The following KIAA1671 variants were observed in gnomAD, a reference collection of about 807,000 sequenced individuals.
The protein encoded by KIAA1671 is uncharacterized protein KIAA1671.
In KIAA1671, 52 loss-of-function variants were observed where a neutral mutation model predicts 131.2. The ratio of observed to expected loss-of-function variants is 0.40; its 90% CI spans 0.32 to 0.50. The LOEUF (loss-of-function observed/expected upper bound fraction) is 0.50. Among genes scored for constraint, KIAA1671 ranks in the 20% least tolerant of loss-of-function variants. The pLI is 0.73. For synonymous variants in KIAA1671, 1,003 were observed against 961.6 expected, an observed-to-expected ratio of 1.04 and a Z score of -0.80; for missense variants, 2,360 against 2,364.2, an observed-to-expected ratio of 1.00 and a Z score of 0.04.
At chr22:25,184,750 T>G (rs1934412375) in intron 10 of KIAA1671, among the ~76,000 whole-genome samples, 1 of 151,874 alleles carries the variant, frequency 6.6e-6, no homozygotes, top group Admixed American at 6.6e-5. Flanking sequence ...AGAATGTGAT[T>G]ATGTGGGGTT....
At chr22:25,071,308 T>C (rs1255108686) in intron 6 of KIAA1671, among the ~76,000 whole-genome samples, 1 of 152,208 alleles carries the variant, frequency 6.6e-6, no homozygotes, top group African/African-American at 2.4e-5. Flanking sequence ...TCAGATGCCT[T>C]CTTGCCCAGA....
At position 25,040,958 on chromosome 22, in the gene KIAA1671, A is replaced by G; in HGVS notation, c.3828A>G (p.Leu1276=). The change falls in exon 5 of 13, where the codon TTA becomes TTG. Residue 1276 remains leucine (L), a synonymous_variant. Coordinates refer to ENST00000358431, the MANE Select transcript of KIAA1671 (RefSeq NM_001145206.2). ...TAAATCACAGTTTCACTCCTGGCTT[A>G]GGCAAGCAGCTGGCAGAGACCTTGG... The part of the protein sequence containing the change: ...AEINHSFTPG[L]GKQLAETLET... The G allele has an allele frequency of 3.4e-6, 5 of 1,476,926 alleles. No individual in the cohort carries two copies. The highest frequency in any genetic ancestry group is 4.5e-6 in the Non-Finnish European group (5 of 1,113,176). 91.5% of individuals were successfully genotyped at this position (1,476,926 alleles called of 1,614,324 possible).
intron 6 of KIAA1671, among the ~76,000 whole-genome samples, chr22:25,139,567 C>G (rs778767606): frequency 2.0e-5 from 3 of 152,236 alleles, no homozygotes; most frequent in Non-Finnish European, 4.4e-5. Context: ...TGCATGCCTA[C>G]TATGTGCTGG....
At chr22:25,078,957 G>A (rs578126908) in intron 6 of KIAA1671, among the ~76,000 whole-genome samples, 13 of 152,126 alleles carry the variant, frequency 8.5e-5, no homozygotes, top group Admixed American at 2.0e-4. Flanking sequence ...ATGGGGCCTC[G>A]AGCAAATCTC....
At chr22:25,091,990 T>G (rs1405042119) in intron 6 of KIAA1671, among the ~76,000 whole-genome samples, 1 of 152,148 alleles carries the variant, frequency 6.6e-6, no homozygotes, top group Non-Finnish European at 1.5e-5. Flanking sequence ...ATTTGGTCAT[T>G]CATTTACTCC....
chr22:25,175,261 C>T (rs1214352242), intron 8 of KIAA1671: 1 of 152,228 alleles, frequency 6.6e-6, no homozygotes, highest in South Asian at 2.1e-4. Context: ...TACCTGCCCA[C>T]TTTCTGGGGG....
At chr22:25,189,781 G>GTTTT (rs1359158388) in intron 11 of KIAA1671, among the ~76,000 whole-genome samples, 1 of 152,016 alleles carries the variant, frequency 6.6e-6, no homozygotes, top group Non-Finnish European at 1.5e-5. Context: ...TTGTTTGTTT[G>GTTTT]TTTGCTTTTT....
At chr22:24,970,833 C>A (rs1922576311) in intron 1 of KIAA1671, among the ~76,000 whole-genome samples, 1 of 151,888 alleles carries the variant, frequency 6.6e-6, no homozygotes, top group African/African-American at 2.4e-5. Flanking sequence ...ATGGTTTAGA[C>A]AAGCTTGATC....
chr22:24,957,001 TA>T (rs959283709), intron 1 of KIAA1671, among the ~76,000 whole-genome samples: 2 of 152,118 alleles, frequency 1.3e-5, no homozygotes, highest in Non-Finnish European at 2.9e-5. Flanking sequence ...TCCCTATCTG[TA>T]AAAAGGGCTC....
intron 1 of KIAA1671, among the ~76,000 whole-genome samples, chr22:24,989,113 G>T (rs1923703313): frequency 6.6e-6 from 1 of 152,122 alleles, no homozygotes; most frequent in Non-Finnish European, 1.5e-5. Context: ...GGTTTCCCCT[G>T]GTTTCATGTC....
chr22:25,005,014 A>C (rs1186257638), intron 1 of KIAA1671, among the ~76,000 whole-genome samples: 1 of 151,728 alleles, frequency 6.6e-6, no homozygotes, highest in Non-Finnish European at 1.5e-5. Context: ...CAATCAGTGA[A>C]TCCTGAATGA....
At chr22:24,980,683 A>G (rs1357651232) in intron 1 of KIAA1671, among the ~76,000 whole-genome samples, 1 of 152,108 alleles carries the variant, frequency 6.6e-6, no homozygotes, top group Non-Finnish European at 1.5e-5. Flanking sequence ...ACTATTTTAT[A>G]TTCATACCAA....
At chr22:25,004,806 C>T (rs935296427) in intron 1 of KIAA1671, among the ~76,000 whole-genome samples, 47 of 151,686 alleles carry the variant, frequency 3.1e-4, no homozygotes, top group Admixed American at 2.7e-3. Context: ...ATTAGCCGGG[C>T]GTGGTGGCGG....
chr22:24,963,767 C>T (rs1030172800), intron 1 of KIAA1671, among the ~76,000 whole-genome samples: 2 of 151,554 alleles, frequency 1.3e-5, no homozygotes, highest in Admixed American at 6.6e-5. Flanking sequence ...GGTGAAACCC[C>T]GTCTCTACTA....
chr22:25,001,197 G>A (rs5760788), intron 1 of KIAA1671, among the ~76,000 whole-genome samples: 11 of 103,912 alleles, frequency 1.1e-4, no homozygotes, highest in African/African-American at 1.7e-4. Flanking sequence ...GTATATATGT[G>A]TGTATGTGTA....
rs954795425 is a variant in KIAA1671 at position 25,029,372 on chromosome 22, C to T, written c.1373C>T (p.Ser458Phe). 2.4e-4 allele frequency: 380 copies of T among 1,551,186 alleles called. 4 individuals are homozygous for T. The African/African-American group carries it at 4.6e-3, about 19-fold the overall frequency. The change falls in exon 3 of 13, where the codon TCT (serine) becomes TTT (phenylalanine). Residue 458 changes from serine to phenylalanine, a missense_variant. Ser to Phe is a radical substitution (Grantham distance 155, BLOSUM62 -2). Transcript: ENST00000358431. ...STLALAVGSE[S>F]PLATPASPSA... Reference sequence around the variant, plus strand: ...TTGGCCTTGGCAGTGGGGTCTGAATCTCCCCTGGCCACCCCTGCGTCCCCA... The same window carrying T: ...TTGGCCTTGGCAGTGGGGTCTGAATTTCCCCTGGCCACCCCTGCGTCCCCA...
At chr22:25,133,972 C>T (rs979719840) in intron 6 of KIAA1671, among the ~76,000 whole-genome samples, 1 of 152,224 alleles carries the variant, frequency 6.6e-6, no homozygotes, top group East Asian at 1.9e-4. Context: ...TGAGATTCCA[C>T]AAGGGGAACT....
chr22:25,018,643 A>G (rs1391209174), intron 1 of KIAA1671, among the ~76,000 whole-genome samples: 3 of 152,212 alleles, frequency 2.0e-5, no homozygotes, highest in African/African-American at 7.2e-5. Context: ...CATGTAAATG[A>G]AATTATGCAT....
intron 8 of KIAA1671, 187 bp from the exon 9 acceptor site, chr22:25,177,161 G>A: frequency 1.6e-6 from 1 of 606,648 alleles, no homozygotes; most frequent in Non-Finnish European, 2.9e-6. Context: ...AGCCTATGGG[G>A]TATGTTTTAT....
Sources: allele counts gnomAD v4.1 joint callset (sites outside exome capture counted in the v4.1 genomes callset), GRCh38; gene constraint gnomAD v4.1.1; transcripts MANE v1.5; gene names NCBI Gene and HGNC (gene_info 2026-07-23, HGNC 2026-07-21).